EHBP1: variants seen among roughly 807,000 people sequenced by gnomAD.
The protein encoded by EHBP1 is EH domain-binding protein 1.
Under a neutral mutation model 144.0 loss-of-function variants are expected in EHBP1, and 55 were observed. That is an observed-to-expected ratio of 0.38 (90% CI 0.31 to 0.48). The LOEUF is 0.48. EHBP1 is among the 20% of genes least tolerant of loss of function. EHBP1 has a pLI of 0.98. For missense variants in EHBP1, 1,200 were observed against 1,364.2 expected, an observed-to-expected ratio of 0.88 and a Z score of 1.90; for synonymous variants, 469 against 472.7, an observed-to-expected ratio of 0.99 and a Z score of 0.10.
intron 13 of EHBP1, among the ~76,000 whole-genome samples, chr2:62,953,748 T>C (rs898763073): frequency 6.6e-6 from 1 of 151,366 alleles, no homozygotes; most frequent in Admixed American, 6.6e-5. Flanking sequence ...CTGTAGTGAA[T>C]TGCATTTCTA....
At chr2:63,024,729 G>T (rs1282825726) in intron 19 of EHBP1, among the ~76,000 whole-genome samples, 1 of 152,076 alleles carries the variant, frequency 6.6e-6, no homozygotes, top group Non-Finnish European at 1.5e-5. Context: ...GTAGAATACT[G>T]GTTGGGCATG....
intron 1 of EHBP1, among the ~76,000 whole-genome samples, chr2:62,696,606 C>T (rs1285972816): frequency 1.4e-5 from 2 of 143,270 alleles, no homozygotes. Context: ...CTCCACCTCC[C>T]GGGTTCATGC....
At chr2:62,952,695 A>G (rs2057454281) in intron 13 of EHBP1, among the ~76,000 whole-genome samples, 1 of 152,202 alleles carries the variant, frequency 6.6e-6, no homozygotes, top group Non-Finnish European at 1.5e-5. Flanking sequence ...ATTACATGAT[A>G]AATGTTAAAG....
intron 19 of EHBP1, among the ~76,000 whole-genome samples, chr2:63,012,401 G>A (rs1222532159): frequency 2.6e-5 from 4 of 152,008 alleles, no homozygotes; most frequent in South Asian, 2.1e-4. Context: ...AAGAAAGACT[G>A]TAGATACTTG....
intron 7 of EHBP1, among the ~76,000 whole-genome samples, chr2:62,848,638 T>G (rs1233652016): frequency 6.6e-6 from 1 of 152,216 alleles, no homozygotes; most frequent in Non-Finnish European, 1.5e-5. Flanking sequence ...TAGATGTACC[T>G]CAAAACCATT....
At chr2:62,908,688 T>A (rs959866427) in intron 10 of EHBP1, among the ~76,000 whole-genome samples, 1 of 152,214 alleles carries the variant, frequency 6.6e-6, no homozygotes, top group Non-Finnish European at 1.5e-5. Context: ...GAAGTATCAT[T>A]TAGTCTCGAG....
At chr2:62,980,835 A>T (rs570895058) in intron 15 of EHBP1, among the ~76,000 whole-genome samples, 143 of 148,068 alleles carry the variant, frequency 9.7e-4, no homozygotes, top group Middle Eastern at 3.6e-3. Context: ...ATATATATAT[A>T]TTTTAATTTT....
In EHBP1 at chr2:62,802,044, A is replaced by G. The variant is rs561383800; in HGVS notation, c.313-24043A>G. ...ACGCAGCCCAAGAGATAACTGTTTA[A>G]CCACTCTGAACACCTTCCTAGAAAA... On this transcript the variant is annotated intron_variant, in intron 5 of 22. Transcript: ENST00000431489. Among the ~76,000 whole-genome samples, 11 of 152,372 alleles carry G rather than the reference A, an allele frequency of 7.2e-5. No homozygotes were observed. In the South Asian group the frequency reaches 1.2e-3, roughly 17 times the overall value.
At chr2:62,719,837 T>A (rs1276515692) in intron 2 of EHBP1, among the ~76,000 whole-genome samples, 1 of 152,208 alleles carries the variant, frequency 6.6e-6, no homozygotes, top group Non-Finnish European at 1.5e-5. Context: ...GACTTGAGCA[T>A]CCTCAGATTT....
chr2:62,815,894 A>G (rs914116468), intron 5 of EHBP1, among the ~76,000 whole-genome samples: 1 of 152,184 alleles, frequency 6.6e-6, no homozygotes, highest in Non-Finnish European at 1.5e-5. Flanking sequence ...TCAAATGACT[A>G]TAATGTTGCA....
intron 7 of EHBP1, among the ~76,000 whole-genome samples, chr2:62,850,038 A>G (rs923230062): frequency 6.6e-6 from 1 of 152,190 alleles, no homozygotes; most frequent in Admixed American, 6.5e-5. Context: ...AAGAGTAATT[A>G]TTATTAAAAC....
At chr2:62,747,998 TA>T (rs2039318777) in intron 3 of EHBP1, among the ~76,000 whole-genome samples, 1 of 151,980 alleles carries the variant, frequency 6.6e-6, no homozygotes, top group Non-Finnish European at 1.5e-5. Context: ...TGTGAGAAAA[TA>T]GATTTCTGCT....
intron 10 of EHBP1, among the ~76,000 whole-genome samples, chr2:62,936,077 A>G (rs772112456): frequency 2.0e-4 from 31 of 152,126 alleles, no homozygotes; most frequent in Non-Finnish European, 4.0e-4. Context: ...AATTTTCTTT[A>G]ATTTTGCCTT....
intron 19 of EHBP1, among the ~76,000 whole-genome samples, chr2:63,015,738 A>T (rs1166202702): frequency 2.0e-5 from 3 of 152,154 alleles, no homozygotes. Flanking sequence ...TATACATTAA[A>T]CTAAGTGAGA....
intron 2 of EHBP1, among the ~76,000 whole-genome samples, chr2:62,714,603 C>T (rs2035485615): frequency 6.6e-6 from 1 of 152,094 alleles, no homozygotes; most frequent in Admixed American, 6.5e-5. Context: ...AAGATAATAC[C>T]TGTAATAAAG....
At chr2:63,035,676 G>A (rs182727629) in intron 19 of EHBP1, among the ~76,000 whole-genome samples, 31 of 151,636 alleles carry the variant, frequency 2.0e-4, no homozygotes, top group South Asian at 1.3e-3. Context: ...GTCTTTAATC[G>A]GAAAGTAAAA....
chr2:62,947,163 A>C (rs2057117406), intron 12 of EHBP1, among the ~76,000 whole-genome samples: 1 of 152,184 alleles, frequency 6.6e-6, no homozygotes, highest in Non-Finnish European at 1.5e-5. Flanking sequence ...TCTCTCTAGT[A>C]AATATTTTGA....
intron 10 of EHBP1, among the ~76,000 whole-genome samples, chr2:62,924,140 AG>A (rs2055314919): frequency 6.6e-6 from 1 of 152,180 alleles, no homozygotes; most frequent in African/African-American, 2.4e-5. Context: ...CCTGAGAAAC[AG>A]CCCCACAGGC....
chr2:62,810,741 T>A (rs2044930789), intron 5 of EHBP1, among the ~76,000 whole-genome samples: 1 of 152,202 alleles, frequency 6.6e-6, no homozygotes, highest in Admixed American at 6.5e-5. Context: ...AACTAACAGA[T>A]TATTATATTT....
Sources: gnomAD v4.1 joint callset for allele counts (sites outside exome capture counted in the v4.1 genomes callset) on GRCh38, gnomAD v4.1.1 for gene constraint, MANE v1.5 for transcripts, NCBI Gene and HGNC (gene_info 2026-07-23, HGNC 2026-07-21) for gene names.